The following NBPF20 variants were observed in gnomAD, a reference collection of about 807,000 sequenced individuals.
NBPF20 encodes the protein NBPF member 20.
Under a neutral mutation model 68.1 loss-of-function variants are expected in NBPF20, and 90 were observed. The observed-to-expected ratio is 1.32, with a 90% CI of 1.11 to 1.58. The LOEUF (loss-of-function observed/expected upper bound fraction) is 1.58, where lower values mean the gene tolerates loss of function less well. Ranked by LOEUF, NBPF20 falls within the 40% of genes most tolerant of loss-of-function variation. The pLI is 0.00. For missense variants in NBPF20, 816 were observed against 601.2 expected (o/e 1.36, Z -3.74); for synonymous variants, 290 against 228.1 (o/e 1.27, Z -2.45).
chr1:145,405,446 A>G, exon 1 of NBPF20: 2 of 1,565,710 alleles, frequency 1.3e-6, no homozygotes, highest in Non-Finnish European at 1.7e-6. Flanking sequence ...ACAGCACTTT[A>G]GGATCCTTCA....
the NBPF20 span, among the ~76,000 whole-genome samples, chr1:145,411,296 C>CT: frequency 6.7e-6 from 1 of 150,372 alleles, no homozygotes; most frequent in African/African-American, 2.4e-5. Flanking sequence ...TATCTCCCCA[C>CT]TAATTTAGTT....
At chr1:145,417,279 A>C in the NBPF20 span, among the ~76,000 whole-genome samples, 4 of 151,706 alleles carry the variant, frequency 2.6e-5, no homozygotes, top group African/African-American at 9.7e-5. Flanking sequence ...AAAAAAATAA[A>C]TAAATCCAGG....
intron 29 of NBPF20, 112 bp downstream of exon 34, chr1:145,377,931 A>T (rs1355605780): frequency 2.5e-6 from 1 of 399,552 alleles, no homozygotes; most frequent in African/African-American, 2.8e-5. Context: ...TGTCAGGAGG[A>T]GTAATTCAAC....
At chr1:145,421,851 G>A in the NBPF20 span, among the ~76,000 whole-genome samples, 1 of 152,014 alleles carries the variant, frequency 6.6e-6, no homozygotes, top group Non-Finnish European at 1.5e-5. Flanking sequence ...AACCAGTCTG[G>A]GCACTACAGG....
chr1:145,402,753 G>C (rs1378819012), intron 3 of NBPF20, among the ~76,000 whole-genome samples: 1 of 149,406 alleles, frequency 6.7e-6, no homozygotes, highest in East Asian at 1.9e-4. Flanking sequence ...GCTATGTACA[G>C]AAATGAGGCC....
the NBPF20 span, among the ~76,000 whole-genome samples, chr1:145,423,817 A>C: frequency 6.6e-6 from 1 of 152,156 alleles, no homozygotes; most frequent in African/African-American, 2.4e-5. Flanking sequence ...TAAATGGTAC[A>C]ATCACTTTGG....
At chr1:145,400,480 G>A in exon 6 of NBPF20, 1 of 1,613,100 alleles carries the variant, frequency 6.2e-7, no homozygotes, top group South Asian at 1.1e-5. Context: ...ATGTGATTTT[G>A]GTTTTCCTAT....
chr1:145,424,018 C>G, the NBPF20 span, among the ~76,000 whole-genome samples: 4 of 147,292 alleles, frequency 2.7e-5, no homozygotes, highest in African/African-American at 1.0e-4. Flanking sequence ...CTCTGCCACC[C>G]AGGCGGGAGT....
intron 112 of NBPF20, among the ~76,000 whole-genome samples, chr1:145,311,890 T>A (rs1278878301): frequency 1.8e-5 from 2 of 112,502 alleles, no homozygotes; most frequent in African/African-American, 4.3e-5. Context: ...GAGTGAAGGA[T>A]GAAATCTACA....
Position 145,292,552 on chromosome 1 carries a change from A to G in NBPF20, c.16589-63T>C, listed in dbSNP as rs1571343604. The G allele has an allele frequency of 5.6e-6, 4 of 713,080 alleles. No individual in the cohort carries two copies. The East Asian group carries it at 9.9e-5, about 18-fold the overall frequency. 44.2% of individuals were successfully genotyped at this position (713,080 alleles called of 1,614,324 possible). On this transcript the variant is annotated intron_variant, in intron 136 of 137. Coordinates refer to ENST00000369373, the Ensembl canonical transcript of NBPF20. The stretch of plus-strand genomic sequence containing the variant: ...GATTCCCCTACACACATAACAATCC[A>G]CTGTCTAATCCTCACACAGGGACCT...
chr1:145,291,805 G>A (rs782163749), intron 137 of NBPF20, 36 bp from the exon 143 acceptor site: 29 of 1,611,668 alleles, frequency 1.8e-5, no homozygotes, highest in East Asian at 2.2e-5. Context: ...AGCAGCCAGG[G>A]AAAATCAGAA....
chr1:145,424,076 G>T, the NBPF20 span, among the ~76,000 whole-genome samples: 1 of 144,424 alleles, frequency 6.9e-6, no homozygotes, highest in African/African-American at 2.6e-5. Context: ...CCTGGGCTCT[G>T]GTGATCCTCC....
In NBPF20 at chr1:145,291,329, T is replaced by C. The variant is rs587598809; in HGVS notation, c.*197A>G. ...TGTGCTGCACAGTTATGTGAACGTGTCACACCTAACGTGGGTCCATTGTCT... is the reference window on the plus strand; with the variant it reads ...TGTGCTGCACAGTTATGTGAACGTGCCACACCTAACGTGGGTCCATTGTCT... On this transcript the variant is annotated 3_prime_UTR_variant, in exon 138 of 138. Transcript: ENST00000369373. The C allele has an allele frequency of 5.2e-4, 431 of 833,128 alleles. 1 individual carries two copies. The African/African-American group carries it at 6.9e-3, about 13-fold the overall frequency. 51.6% of individuals were successfully genotyped at this position (833,128 alleles called of 1,614,324 possible).
intron 9 of NBPF20, among the ~76,000 whole-genome samples, chr1:145,393,550 G>C (rs1352293973): frequency 3.9e-5 from 6 of 151,924 alleles, no homozygotes; most frequent in Admixed American, 6.6e-5. Context: ...AGGACACTCT[G>C]TATTTGTGCT....
chr1:145,394,698 G>T (rs1662129041), intron 8 of NBPF20, among the ~76,000 whole-genome samples: 1 of 151,924 alleles, frequency 6.6e-6, no homozygotes, highest in Non-Finnish European at 1.5e-5. Context: ...TGCATAGTTT[G>T]GTGTGAGTTT....
the NBPF20 span, among the ~76,000 whole-genome samples, chr1:145,414,940 A>G: frequency 1.3e-5 from 2 of 151,884 alleles, no homozygotes; most frequent in Non-Finnish European, 2.9e-5. Flanking sequence ...GACTTGGAAA[A>G]GAAAGAGACA....
chr1:145,424,547 A>G, the NBPF20 span, among the ~76,000 whole-genome samples: 1 of 152,222 alleles, frequency 6.6e-6, no homozygotes, highest in Non-Finnish European at 1.5e-5. Flanking sequence ...GAAAGGATGA[A>G]CAACACTGTA....
At chr1:145,405,517 A>G (rs1305825553) in exon 1 of NBPF20, 4 of 1,467,012 alleles carry the variant, frequency 2.7e-6, no homozygotes, top group Non-Finnish European at 3.7e-6. Flanking sequence ...AGTAGCTCAG[A>G]CTCTGATAAG....
the NBPF20 span, among the ~76,000 whole-genome samples, chr1:145,412,176 T>C: frequency 3.0e-4 from 46 of 151,454 alleles, no homozygotes; most frequent in African/African-American, 8.2e-4. Flanking sequence ...CCCCTGTAGG[T>C]TGAAAAGGAG....
Sources: gnomAD v4.1 joint callset for allele counts (sites outside exome capture counted in the v4.1 genomes callset) on GRCh38, gnomAD v4.1.1 for gene constraint, MANE v1.5 for transcripts, NCBI Gene and HGNC (gene_info 2026-07-23, HGNC 2026-07-21) for gene names.